Variants in ZNF480 observed in about 807,000 individuals in gnomAD.
ZNF480 encodes the protein zinc finger protein 480.
ZNF480 carries 15 observed loss-of-function variants against 14.4 expected under a neutral mutation model. The observed-to-expected ratio is 1.04, with a 90% confidence interval of 0.70 to 1.60. The LOEUF is 1.60. ZNF480 is among the 40% of genes most tolerant of loss of function. The pLI, the probability that ZNF480 is intolerant of heterozygous loss-of-function variation, is 0.00. For synonymous variants in ZNF480, 218 were observed against 215.5 expected, an observed-to-expected ratio of 1.01 and a Z score of -0.10; for missense variants, 593 against 629.7, an observed-to-expected ratio of 0.94 and a Z score of 0.62.
chr19:52,304,677 G>T (rs1982845127), intron 2 of ZNF480, among the ~76,000 whole-genome samples: 1 of 151,850 alleles, frequency 6.6e-6, no homozygotes, highest in Non-Finnish European at 1.5e-5. Flanking sequence ...CTAATCCCAT[G>T]CCAGGCACAT....
chr19:52,306,633 A>G (rs965906406), intron 2 of ZNF480, among the ~76,000 whole-genome samples: 2 of 152,226 alleles, frequency 1.3e-5, no homozygotes, highest in African/African-American at 2.4e-5. Flanking sequence ...TAACAGTCCC[A>G]TTACAAAAGG....
chr19:52,322,115 T>A lies in ZNF480; in HGVS notation c.865T>A (p.Cys289Ser). The change falls in exon 5 of 5, where the codon TGT becomes AGT. Residue 289 changes from cysteine to serine, a missense_variant. Transcript: ENST00000595962. ...RIHTREKPYE[C>S]NECGKVFSNN... ...TCATACCAGAGAGAAGCCGTATGAATGTAATGAATGTGGTAAAGTCTTCAG... is the reference window on the plus strand; with the variant it reads ...TCATACCAGAGAGAAGCCGTATGAAAGTAATGAATGTGGTAAAGTCTTCAG... 2 of 1,614,030 alleles carry A rather than the reference T, an allele frequency of 1.2e-6. No homozygotes were observed. The highest frequency in any genetic ancestry group is 1.7e-6 in the Non-Finnish European group (2 of 1,180,016).
chr19:52,323,310 T>C lies in ZNF480; in HGVS notation c.*452T>C, dbSNP rs1983936540. The C allele has an allele frequency of 1.3e-5, 2 of 152,482 alleles. No individual in the cohort carries two copies. Among genetic ancestry groups the C allele is most frequent in the South Asian group, 2.1e-4 (1 of 4,822 alleles). 9.4% of individuals were successfully genotyped at this position (152,482 alleles called of 1,614,324 possible). ...ATGAGTTCCAAAATTTAATCACTAATTAAAAATCTATCAAACAAAACTCTG... is the reference window on the plus strand; with the variant it reads ...ATGAGTTCCAAAATTTAATCACTAACTAAAAATCTATCAAACAAAACTCTG... On this transcript the variant is annotated 3_prime_UTR_variant, in exon 5 of 5. Coordinates refer to ENST00000595962, the MANE Select transcript of ZNF480 (RefSeq NM_144684.4).
At chr19:52,315,527 G>T (rs1004746703) in intron 3 of ZNF480, among the ~76,000 whole-genome samples, 4 of 151,504 alleles carry the variant, frequency 2.6e-5, no homozygotes, top group African/African-American at 9.7e-5. Flanking sequence ...CTCTGTGTTG[G>T]TCAGGCTGAT....
chr19:52,324,559 C>G lies in ZNF480; in HGVS notation c.*1701C>G, dbSNP rs1361035037. The G allele has an allele frequency of 6.6e-6, 1 of 152,000 alleles. No homozygotes were observed. The highest frequency in any genetic ancestry group is 2.4e-5 in the African/African-American group (1 of 41,356). 9.4% of individuals were successfully genotyped at this position (152,000 alleles called of 1,614,324 possible). A position where few individuals can be genotyped will look rare whatever the true frequency, so the allele number is the denominator to read the frequency against. ...AAACCATACTACAAGGCTACAGCAA[C>G]TAAAACAGCATGGTACTGGTATAAA... On this transcript the variant is annotated 3_prime_UTR_variant, in exon 5 of 5. Coordinates refer to ENST00000595962, the MANE Select transcript of ZNF480 (RefSeq NM_144684.4).
chr19:52,316,044 TTA>T (rs1365433359), intron 4 of ZNF480, 82 bp downstream of exon 4: 8 of 1,396,200 alleles, frequency 5.7e-6, no homozygotes, highest in Non-Finnish European at 7.6e-6. Context: ...TTTTGGTTTT[TTA>T]TGTTTGTATT....
intron 4 of ZNF480, among the ~76,000 whole-genome samples, chr19:52,320,492 G>T (rs1983760354): frequency 6.6e-6 from 1 of 152,126 alleles, no homozygotes; most frequent in African/African-American, 2.4e-5. Flanking sequence ...GTCTCTAAAA[G>T]AACACAGAAA....
intron 1 of ZNF480, among the ~76,000 whole-genome samples, chr19:52,299,893 A>T (rs748934063): frequency 8.5e-5 from 13 of 152,144 alleles, no homozygotes; most frequent in Non-Finnish European, 1.5e-4. Flanking sequence ...GAGGTTTCAC[A>T]ATGTTGGCCA....
chr19:52,305,313 T>C (rs1982878260), intron 2 of ZNF480, among the ~76,000 whole-genome samples: 1 of 152,194 alleles, frequency 6.6e-6, no homozygotes, highest in Admixed American at 6.5e-5. Flanking sequence ...CTACCAATCC[T>C]TTAAATTTTT....
intron 4 of ZNF480, 111 bp downstream of exon 4, chr19:52,316,073 T>C: frequency 8.3e-7 from 1 of 1,208,366 alleles, no homozygotes; most frequent in Non-Finnish European, 1.1e-6. Flanking sequence ...TGTTTTGTTT[T>C]TGAGATGGAG....
Position 52,322,022 on chromosome 19 carries a change from C to T in ZNF480, c.772C>T (p.Pro258Ser), listed in dbSNP as rs1217458498. 7 of 1,613,908 alleles carry T rather than the reference C, an allele frequency of 4.3e-6. No homozygotes were observed. Among genetic ancestry groups the T allele is most frequent in the Non-Finnish European group, 5.9e-6 (7 of 1,180,002 alleles). Residue 258 changes from proline to serine, a missense_variant, in exon 5 of 5, where the codon CCT becomes TCT. Pro to Ser is a moderately conservative substitution (Grantham distance 74). Transcript: ENST00000595962. ...EHCRIHTGEKPYKCNVCGKVF... is the reference protein window; with the variant it reads ...EHCRIHTGEKSYKCNVCGKVF... Reference sequence around the variant, plus strand: ...TTGTAGAATTCATACTGGAGAGAAACCTTACAAATGTAATGTCTGTGGCAA... The same window carrying T: ...TTGTAGAATTCATACTGGAGAGAAATCTTACAAATGTAATGTCTGTGGCAA...
intron 1 of ZNF480, 21 bp downstream of exon 1, chr19:52,297,244 A>G (rs1262767671): frequency 4.5e-6 from 2 of 448,298 alleles, no homozygotes; most frequent in Non-Finnish European, 8.9e-6. Flanking sequence ...CTTTGTGTAA[A>G]TTAATCTGCG....
intron 2 of ZNF480, among the ~76,000 whole-genome samples, chr19:52,311,197 A>G (rs1983267748): frequency 6.6e-6 from 1 of 151,946 alleles, no homozygotes; most frequent in Non-Finnish European, 1.5e-5. Flanking sequence ...TATTATATTT[A>G]TGTAAGTCAG....
intron 1 of ZNF480, among the ~76,000 whole-genome samples, chr19:52,299,937 GT>G (rs1386154126): frequency 6.6e-6 from 1 of 152,232 alleles, no homozygotes; most frequent in Non-Finnish European, 1.5e-5. Flanking sequence ...ACTGTTTGAA[GT>G]TCCAGGCATC....
At chr19:52,316,146 A>AT (rs896229211) in intron 4 of ZNF480, among the ~76,000 whole-genome samples, 184 bp downstream of exon 4, 2 of 152,026 alleles carry the variant, frequency 1.3e-5, no homozygotes, top group African/African-American at 4.8e-5. Flanking sequence ...TAAATAAATA[A>AT]TTTTTTTGTT....
chr19:52,305,349 G>A (rs1337306989), intron 2 of ZNF480, among the ~76,000 whole-genome samples: 1 of 152,098 alleles, frequency 6.6e-6, no homozygotes, highest in Non-Finnish European at 1.5e-5. Context: ...TTCACAGGTA[G>A]GATGTTTATT....
At chr19:52,309,140 G>A (rs1983146459) in intron 2 of ZNF480, among the ~76,000 whole-genome samples, 1 of 152,194 alleles carries the variant, frequency 6.6e-6, no homozygotes, top group African/African-American at 2.4e-5. Flanking sequence ...TATTCTGTAA[G>A]TTGTGAAAAT....
rs536239067 is a variant in ZNF480 at position 52,324,518 on chromosome 19, C to A, written c.*1660C>A. 6.6e-6 allele frequency: 1 copy of A among 152,216 alleles called. No individual in the cohort carries two copies. Among genetic ancestry groups the A allele is most frequent in the East Asian group, 1.9e-4 (1 of 5,184 alleles). 9.4% of individuals were successfully genotyped at this position (152,216 alleles called of 1,614,324 possible). On this transcript the variant is annotated 3_prime_UTR_variant, in exon 5 of 5. Coordinates refer to ENST00000595962, the MANE Select transcript of ZNF480 (RefSeq NM_144684.4). ...GCAAAAAGAGCAATGTTTGAGGTAT[C>A]ACACTACCCAACTTTAAACCATACT... is the stretch of plus-strand genomic sequence containing the variant.
chr19:52,321,438 G>T (rs1983803428), intron 4 of ZNF480, 141 bp from the exon 5 acceptor site: 1 of 702,176 alleles, frequency 1.4e-6, no homozygotes, highest in Non-Finnish European at 2.2e-6. Flanking sequence ...TCTATTTTCA[G>T]CACAACCAGC....
Sources: gnomAD v4.1 joint callset for allele counts (sites outside exome capture counted in the v4.1 genomes callset) on GRCh38, gnomAD v4.1.1 for gene constraint, MANE v1.5 for transcripts, NCBI Gene and HGNC (gene_info 2026-07-23, HGNC 2026-07-21) for gene names.